Variants in DNAJC15 observed in about 807,000 individuals in gnomAD.
The protein encoded by DNAJC15 is dnaJ homolog subfamily C member 15.
In DNAJC15, 27 loss-of-function variants were observed where a neutral mutation model predicts 22.4. The ratio of observed to expected loss-of-function variants is 1.20; its 90% CI spans 0.89 to 1.66. DNAJC15 has a LOEUF of 1.66. DNAJC15 is among the 40% of genes most tolerant of loss of function. The pLI is 0.00. For missense variants in DNAJC15, 208 were observed against 187.1 expected, an observed-to-expected ratio of 1.11 and a Z score of -0.65; for synonymous variants, 79 against 63.2, an observed-to-expected ratio of 1.25 and a Z score of -1.19.
At chr13:43,028,636 CAT>C (rs1231631462) in intron 1 of DNAJC15, among the ~76,000 whole-genome samples, 1 of 152,214 alleles carries the variant, frequency 6.6e-6, no homozygotes, top group Non-Finnish European at 1.5e-5. Context: ...TATCCAGCCA[CAT>C]TTCACATCCC....
chr13:43,067,848 A>G (rs902983496), intron 2 of DNAJC15, among the ~76,000 whole-genome samples: 2 of 152,184 alleles, frequency 1.3e-5, no homozygotes, highest in African/African-American at 2.4e-5. Context: ...CTATTATAAA[A>G]TCAAATGGAA....
intron 1 of DNAJC15, among the ~76,000 whole-genome samples, chr13:43,056,996 T>G (rs375556667): frequency 6.6e-6 from 1 of 152,280 alleles, no homozygotes; most frequent in South Asian, 2.1e-4. Context: ...CTCTGATAGG[T>G]TTTCCTTTAT....
chr13:43,062,636 T>C (rs2040564261), intron 1 of DNAJC15, among the ~76,000 whole-genome samples: 1 of 152,270 alleles, frequency 6.6e-6, no homozygotes, highest in Non-Finnish European at 1.5e-5. Flanking sequence ...TGGAGGCAAC[T>C]ATTTCATCTT....
In DNAJC15 at chr13:43,049,041, C is replaced by T. The variant is rs1272230455; in HGVS notation, c.109-16645C>T. On this transcript the variant is annotated intron_variant, in intron 1 of 5. Transcript: ENST00000379221. The stretch of plus-strand genomic sequence containing the variant: ...TGCTACATATGTGTGACACTTACGG[C>T]AGTTTTAGCCTATACTAGGGTACAG... 2.0e-5 allele frequency among the ~76,000 whole-genome samples: 3 copies of T among 152,220 alleles called. No homozygotes were observed. In the East Asian group the frequency reaches 5.8e-4, roughly 29 times the overall value.
intron 1 of DNAJC15, among the ~76,000 whole-genome samples, chr13:43,046,057 T>G (rs2040475774): frequency 6.6e-6 from 1 of 152,198 alleles, no homozygotes; most frequent in Non-Finnish European, 1.5e-5. Context: ...GCCTGTTTGC[T>G]AAATTACCTA....
intron 3 of DNAJC15, among the ~76,000 whole-genome samples, chr13:43,073,344 G>T (rs1566210322): frequency 6.6e-6 from 1 of 152,152 alleles, no homozygotes; most frequent in African/African-American, 2.4e-5. Flanking sequence ...TTTACTCCTT[G>T]GCATAGCTTC....
Position 43,107,353 on chromosome 13 carries a change from T to C in DNAJC15, c.*105T>C. 1 of 884,412 alleles carries C rather than the reference T, an allele frequency of 1.1e-6. No homozygotes were observed. The highest frequency in any genetic ancestry group is 1.6e-6 in the Non-Finnish European group (1 of 622,884). 54.8% of individuals were successfully genotyped at this position (884,412 alleles called of 1,614,324 possible). ...GGTCTTCTTAATTTTCTATATGGATTGACCACAGTCTTATCTTCCACCATT... is the reference window on the plus strand; with the variant it reads ...GGTCTTCTTAATTTTCTATATGGATCGACCACAGTCTTATCTTCCACCATT... On this transcript the variant is annotated 3_prime_UTR_variant, in exon 6 of 6. Coordinates refer to ENST00000379221, the MANE Select transcript of DNAJC15 (RefSeq NM_013238.3).
chr13:43,030,476 A>G (rs2040399429), intron 1 of DNAJC15, among the ~76,000 whole-genome samples: 1 of 152,226 alleles, frequency 6.6e-6, no homozygotes, highest in South Asian at 2.1e-4. Flanking sequence ...CAATAAATAA[A>G]TGTGGCTATT....
intron 1 of DNAJC15, among the ~76,000 whole-genome samples, chr13:43,046,635 C>A (rs2040478426): frequency 6.6e-6 from 1 of 152,134 alleles, no homozygotes; most frequent in Non-Finnish European, 1.5e-5. Context: ...GGGATATAAA[C>A]CCAGGCATTG....
intron 1 of DNAJC15, among the ~76,000 whole-genome samples, chr13:43,058,753 C>T (rs1304171054): frequency 6.6e-6 from 1 of 152,164 alleles, no homozygotes; most frequent in Admixed American, 6.5e-5. Context: ...CCCGAAGGAC[C>T]CCTGTGAGAT....
chr13:43,055,237 C>G (rs2040524527), intron 1 of DNAJC15, among the ~76,000 whole-genome samples: 1 of 149,932 alleles, frequency 6.7e-6, no homozygotes, highest in South Asian at 2.1e-4. Context: ...AAAGTGAGAG[C>G]TGATAAAAAA....
chr13:43,082,945 T>C (rs751467032), intron 4 of DNAJC15, among the ~76,000 whole-genome samples: 2 of 151,862 alleles, frequency 1.3e-5, no homozygotes, highest in Non-Finnish European at 2.9e-5. Flanking sequence ...TTTACTGAAC[T>C]TATCTCATTA....
At chr13:43,102,956 A>T (rs2040777235) in intron 5 of DNAJC15, among the ~76,000 whole-genome samples, 2 of 152,088 alleles carry the variant, frequency 1.3e-5, no homozygotes, top group Non-Finnish European at 2.9e-5. Context: ...TTACATATTT[A>T]GTTTCTTAAA....
At chr13:43,029,220 C>A (rs1276391049) in intron 1 of DNAJC15, among the ~76,000 whole-genome samples, 1 of 152,178 alleles carries the variant, frequency 6.6e-6, no homozygotes, top group Non-Finnish European at 1.5e-5. Context: ...CTGGCACATG[C>A]CAAATAAATG....
intron 1 of DNAJC15, among the ~76,000 whole-genome samples, chr13:43,054,136 T>TCCA (rs139114282): frequency 0.042 from 6,399 of 152,298 alleles, 466 homozygotes; most frequent in African/African-American, 0.15. Context: ...TTTTGTCAAA[T>TCCA]GCTTTTTCTG....
intron 1 of DNAJC15, among the ~76,000 whole-genome samples, chr13:43,057,184 GTC>G (rs1276037536): frequency 6.6e-6 from 1 of 152,162 alleles, no homozygotes; most frequent in Admixed American, 6.5e-5. Context: ...TCCTCAACTA[GTC>G]TCTCAAATAC....
At chr13:43,096,703 C>G (rs138295598) in intron 5 of DNAJC15, among the ~76,000 whole-genome samples, 6 of 152,220 alleles carry the variant, frequency 3.9e-5, no homozygotes, top group African/African-American at 1.4e-4. Context: ...TTCTTCATAG[C>G]TCCTCCCATC....
At chr13:43,092,577 CCTTTA>C (rs140931301) in intron 5 of DNAJC15, among the ~76,000 whole-genome samples, 2,537 of 151,128 alleles carry the variant, frequency 0.017, 82 homozygotes, top group East Asian at 0.1. Context: ...TTTTTCTGAC[CCTTTA>C]CTTTTAGCTG....
intron 1 of DNAJC15, among the ~76,000 whole-genome samples, chr13:43,044,254 C>T (rs1190183767): frequency 6.6e-6 from 1 of 152,082 alleles, no homozygotes; most frequent in Admixed American, 6.5e-5. Flanking sequence ...TGTGATTAAC[C>T]CTTGAGAATT....
Sources: allele counts gnomAD v4.1 joint callset (sites outside exome capture counted in the v4.1 genomes callset), GRCh38; gene constraint gnomAD v4.1.1; transcripts MANE v1.5; gene names NCBI Gene and HGNC (gene_info 2026-07-23, HGNC 2026-07-21).